The following WDR26 variants were observed in gnomAD, a reference collection of about 807,000 sequenced individuals.
The protein encoded by WDR26 is WD repeat-containing protein 26.
In WDR26, 5 loss-of-function variants were observed where a neutral mutation model predicts 84.1. The observed-to-expected ratio is 0.06, with a 90% CI of 0.03 to 0.13. The LOEUF is 0.13. WDR26 is among the 10% of genes least tolerant of loss of function. The probability of loss-of-function intolerance (pLI) is 1.00; values close to 1 mark genes in which losing one functional copy is unlikely to be tolerated. For missense variants in WDR26, 642 were observed against 974.9 expected (o/e 0.66, Z 4.55); for synonymous variants, 415 against 389.6 (o/e 1.07, Z -0.77).
At chr1:224,427,520 T>C (rs1479834201) in intron 3 of WDR26, among the ~76,000 whole-genome samples, 1 of 152,152 alleles carries the variant, frequency 6.6e-6, no homozygotes, top group African/African-American at 2.4e-5. Flanking sequence ...GAGAAGCCAA[T>C]ATAAACACAT....
intron 6 of WDR26, among the ~76,000 whole-genome samples, chr1:224,414,437 C>A (rs1415017460): frequency 6.6e-6 from 1 of 151,956 alleles, no homozygotes. Flanking sequence ...TAAACCTTTT[C>A]AATGTACATC....
Position 224,389,754 on chromosome 1 carries a change from T to C in WDR26, c.*81A>G, listed in dbSNP as rs1673073107. On this transcript the variant is annotated 3_prime_UTR_variant, in exon 14 of 14. Transcript: ENST00000414423. ...AGCATGTCTGTCCAGCTATCAATCA[T>C]GTTTGTTTGCACCAAATCCCAAGCC... The C allele has an allele frequency of 5.9e-6, 8 of 1,362,336 alleles. No individual in the cohort carries two copies. In the Admixed American group the frequency reaches 6.8e-5, roughly 12 times the overall value. 84.4% of individuals were successfully genotyped at this position (1,362,336 alleles called of 1,614,324 possible).
chr1:224,418,644 T>C (rs529998020), intron 5 of WDR26, among the ~76,000 whole-genome samples: 1 of 152,278 alleles, frequency 6.6e-6, no homozygotes, highest in South Asian at 2.1e-4. Context: ...TTACTTTATA[T>C]GTGGATTTTC....
At chr1:224,390,508 A>G (rs1478595455) in intron 13 of WDR26, among the ~76,000 whole-genome samples, 1 of 152,264 alleles carries the variant, frequency 6.6e-6, no homozygotes, top group African/African-American at 2.4e-5. Flanking sequence ...AAGAGGAAAG[A>G]AAGATCTGGC....
intron 9 of WDR26, 111 bp from the exon 10 acceptor site, chr1:224,399,145 T>C (rs1673339772): frequency 2.0e-6 from 2 of 991,598 alleles, no homozygotes; most frequent in Non-Finnish European, 2.8e-6. Flanking sequence ...TTTTTTTTTT[T>C]TCCTGAGACT....
At chr1:224,416,137 T>C (rs1673896656) in intron 6 of WDR26, among the ~76,000 whole-genome samples, 1 of 152,122 alleles carries the variant, frequency 6.6e-6, no homozygotes, top group Admixed American at 6.5e-5. Context: ...GGTTTTGTTT[T>C]AAGATTACAG....
intron 7 of WDR26, among the ~76,000 whole-genome samples, chr1:224,409,393 A>G (rs1173205745): frequency 2.6e-5 from 4 of 152,246 alleles, no homozygotes; most frequent in Non-Finnish European, 5.9e-5. Flanking sequence ...ATTTAAACAT[A>G]TTCTGAGAAA....
At chr1:224,390,537 G>A (rs181163424) in intron 13 of WDR26, among the ~76,000 whole-genome samples, 14 of 152,304 alleles carry the variant, frequency 9.2e-5, no homozygotes, top group African/African-American at 2.9e-4. Flanking sequence ...GTAGAATAAC[G>A]TGTTATAACT....
intron 8 of WDR26, among the ~76,000 whole-genome samples, chr1:224,403,406 AT>A (rs1483121655): frequency 6.6e-6 from 1 of 152,192 alleles, no homozygotes; most frequent in Non-Finnish European, 1.5e-5. Flanking sequence ...AATGTTAACA[AT>A]TGTTGAATTT....
rs1447337831 is a variant in WDR26, at chr1:224,434,458, G to T, written c.-53C>A. 1.4e-6 allele frequency: 1 copy of T among 710,056 alleles called. No homozygotes were observed. The highest frequency in any genetic ancestry group is 2.1e-5 in the African/African-American group (1 of 47,374). 44.0% of individuals were successfully genotyped at this position (710,056 alleles called of 1,614,324 possible). On this transcript the variant is annotated 5_prime_UTR_variant, in exon 1 of 14. Transcript: ENST00000414423. ...GGAGGGGAGGCGGGGGCCGGGGAGA[G>T]GGTCGGGGTGAGGGGGGCCGGGGAG...
intron 7 of WDR26, among the ~76,000 whole-genome samples, chr1:224,407,535 G>A (rs958087374): frequency 6.8e-6 from 1 of 146,726 alleles, no homozygotes; most frequent in African/African-American, 2.5e-5. Context: ...TTGAGATGGA[G>A]TCTTGCTCTG....
At chr1:224,406,943 G>C (rs1353396833) in intron 7 of WDR26, among the ~76,000 whole-genome samples, 1 of 150,694 alleles carries the variant, frequency 6.6e-6, no homozygotes, top group Non-Finnish European at 1.5e-5. Flanking sequence ...CCAATGTGGT[G>C]AAACCCTGTC....
intron 12 of WDR26, among the ~76,000 whole-genome samples, chr1:224,395,699 A>G (rs1673240976): frequency 6.6e-6 from 1 of 152,150 alleles, no homozygotes; most frequent in Non-Finnish European, 1.5e-5. Context: ...TTAAAGTGTG[A>G]ATGCAATTGA....
At position 224,434,394 on chromosome 1, in the gene WDR26, G is replaced by T. The variant is rs1384341022; in HGVS notation, c.12C>A (p.Leu4=). 7 of 1,109,752 alleles carry T rather than the reference G, an allele frequency of 6.3e-6. No individual in the cohort carries two copies. In the African/African-American group the frequency reaches 1.2e-4, roughly 19 times the overall value. The allele number at this position is 1,109,752 out of a possible 1,614,324, so 68.7% of individuals were successfully genotyped here. A position where few individuals can be genotyped will look rare whatever the true frequency, so the allele number is the denominator to read the frequency against. ...AAGCGGAGGCCAGAGTTTCCTCGCC[G>T]AGAGAGGCCGTGGTGGGAAGCCGGT... Residue 4 remains leucine (L), a synonymous_variant, in exon 1 of 14, where the codon CTC becomes CTA. Coordinates refer to ENST00000414423, the MANE Select transcript of WDR26 (RefSeq NM_001379403.1).
Position 224,398,164 on chromosome 1 carries a change from T to G in WDR26, c.2007A>C (p.Gln669His), listed in dbSNP as rs1673314018. 6.2e-7 allele frequency: 1 copy of G among 1,613,732 alleles called. No homozygotes were observed. The highest frequency in any genetic ancestry group is 2.2e-5 in the East Asian group (1 of 44,828). ...AACATGAATGAATTGTATAAAACCC[T>G]TGTGTAACACCTTGATACTTTCTTA... The change falls in exon 12 of 14, where the codon CAA (glutamine) becomes CAC (histidine). Residue 669 changes from glutamine to histidine, a missense_variant. Gln to His is a conservative substitution (Grantham distance 24). This residue lies in a region of WDR26 where 351 missense variants were observed against 672.8 expected (regional missense o/e 0.52). Transcript: ENST00000414423.
intron 6 of WDR26, among the ~76,000 whole-genome samples, chr1:224,416,040 G>A (rs1035632213): frequency 7.9e-5 from 12 of 152,190 alleles, no homozygotes; most frequent in Non-Finnish European, 1.6e-4. Flanking sequence ...AAGACATTGC[G>A]AATGTGTAGT....
At chr1:224,393,215 T>C (rs2102886118) in intron 13 of WDR26, among the ~76,000 whole-genome samples, 1 of 152,342 alleles carries the variant, frequency 6.6e-6, no homozygotes, top group East Asian at 1.9e-4. Context: ...TGCTGCAGTT[T>C]CCTTACCTCT....
chr1:224,396,903 AAAGAAAAGAAAAG>A (rs1483077062), intron 12 of WDR26, among the ~76,000 whole-genome samples: 1 of 145,166 alleles, frequency 6.9e-6, no homozygotes, highest in Non-Finnish European at 1.6e-5. Flanking sequence ...AAAGAAAAGA[AAAGAAAAGAAAAG>A]AAAAGGAATA....
chr1:224,405,054 C>T (rs1482817821), intron 7 of WDR26, among the ~76,000 whole-genome samples: 1 of 152,108 alleles, frequency 6.6e-6, no homozygotes, highest in Non-Finnish European at 1.5e-5. Flanking sequence ...CTCATCATTT[C>T]CCAAAGAAAC....
Sources: gnomAD v4.1 joint callset for allele counts (sites outside exome capture counted in the v4.1 genomes callset) on GRCh38, gnomAD v4.1.1 for gene constraint, gnomAD v4.1.1 regional missense constraint, MANE v1.5 for transcripts, NCBI Gene and HGNC (gene_info 2026-07-23, HGNC 2026-07-21) for gene names.